AFG2A: variants seen among roughly 807,000 people sequenced by gnomAD.
AFG2A encodes ATPase family gene 2 protein homolog A.
chr4:123,051,486 T>C, the AFG2A span, among the ~76,000 whole-genome samples: 1 of 151,980 alleles, frequency 6.6e-6, no homozygotes, highest in African/African-American at 2.4e-5. Context: ...TTTTTAATTG[T>C]TTTGTATTTT....
chr4:123,278,605 C>T, the AFG2A span, among the ~76,000 whole-genome samples: 1 of 152,090 alleles, frequency 6.6e-6, no homozygotes, highest in Non-Finnish European at 1.5e-5. Context: ...TATGAACTTC[C>T]CTCTCAACAC....
the AFG2A span, among the ~76,000 whole-genome samples, chr4:123,046,428 T>C: frequency 7.7e-4 from 118 of 152,362 alleles, 1 homozygote; most frequent in East Asian, 0.015. Flanking sequence ...TTAGTACTTA[T>C]GATTGCAATT....
chr4:123,100,762 G>A, the AFG2A span, among the ~76,000 whole-genome samples: 1 of 151,910 alleles, frequency 6.6e-6, no homozygotes, highest in African/African-American at 2.4e-5. Context: ...CTAAATAATA[G>A]TTTTCACGCC....
At chr4:122,928,498 C>A in the AFG2A span, among the ~76,000 whole-genome samples, 3 of 152,088 alleles carry the variant, frequency 2.0e-5, no homozygotes, top group African/African-American at 7.2e-5. Flanking sequence ...CTGGCTTATG[C>A]TTTAAAGGTC....
At chr4:122,990,145 T>C in the AFG2A span, among the ~76,000 whole-genome samples, 1 of 152,222 alleles carries the variant, frequency 6.6e-6, no homozygotes, top group Non-Finnish European at 1.5e-5. Context: ...GGATTACAGA[T>C]GTGAGCTACT....
At chr4:123,149,255 A>G in the AFG2A span, among the ~76,000 whole-genome samples, 21 of 152,324 alleles carry the variant, frequency 1.4e-4, 1 homozygote, top group South Asian at 3.9e-3. Context: ...ACACTTGACA[A>G]AATCCTGGGA....
At chr4:123,050,972 C>T in the AFG2A span, among the ~76,000 whole-genome samples, 1 of 152,000 alleles carries the variant, frequency 6.6e-6, no homozygotes, top group Non-Finnish European at 1.5e-5. Context: ...AACTCCTGAC[C>T]TAGCGATCCA....
the AFG2A span, among the ~76,000 whole-genome samples, chr4:123,003,616 C>T: frequency 5.3e-5 from 8 of 152,080 alleles, no homozygotes; most frequent in African/African-American, 1.2e-4. Context: ...TCTGCAGAAC[C>T]GTGCATTTTC....
the AFG2A span, among the ~76,000 whole-genome samples, chr4:123,114,325 C>G: frequency 1.3e-5 from 2 of 152,162 alleles, no homozygotes; most frequent in Non-Finnish European, 2.9e-5. Context: ...TCACCAGGGA[C>G]CTGCCCTGCC....
At chr4:123,052,034 C>A in the AFG2A span, among the ~76,000 whole-genome samples, 2 of 152,016 alleles carry the variant, frequency 1.3e-5, no homozygotes, top group Admixed American at 6.6e-5. Flanking sequence ...AAGCTTTCTA[C>A]CCCTTTGTCT....
At chr4:122,942,263 T>C in the AFG2A span, among the ~76,000 whole-genome samples, 3 of 146,280 alleles carry the variant, frequency 2.1e-5, no homozygotes, top group South Asian at 6.9e-4. Flanking sequence ...CATGTGGTCC[T>C]GGACTCTTTT....
the AFG2A span, among the ~76,000 whole-genome samples, chr4:122,974,051 A>G: frequency 6.6e-6 from 1 of 151,900 alleles, no homozygotes; most frequent in African/African-American, 2.4e-5. Flanking sequence ...GTGAGTTACT[A>G]TTTTCTTTCT....
At chr4:123,192,913 T>C in the AFG2A span, among the ~76,000 whole-genome samples, 11 of 152,242 alleles carry the variant, frequency 7.2e-5, no homozygotes, top group Non-Finnish European at 1.6e-4. Context: ...TTAAACAAAT[T>C]ATAAAAGAAA....
chr4:123,240,516 C>G, the AFG2A span, among the ~76,000 whole-genome samples: 1 of 152,170 alleles, frequency 6.6e-6, no homozygotes. Flanking sequence ...AACAGAACAG[C>G]CTGCCCCTGA....
At chr4:122,948,387 T>TACACACACACACACAC in the AFG2A span, among the ~76,000 whole-genome samples, 18 of 129,618 alleles carry the variant, frequency 1.4e-4, no homozygotes, top group South Asian at 2.8e-4. Flanking sequence ...CTCCAGAGTA[T>TACACACACACACACAC]ACACACACAC....
the AFG2A span, among the ~76,000 whole-genome samples, chr4:123,110,349 T>C: frequency 6.6e-6 from 1 of 152,156 alleles, no homozygotes; most frequent in Non-Finnish European, 1.5e-5. Flanking sequence ...TGAGTTGATA[T>C]TTCACATTCA....
the AFG2A span, among the ~76,000 whole-genome samples, chr4:123,179,226 A>G: frequency 1.3e-5 from 2 of 152,198 alleles, no homozygotes; most frequent in Non-Finnish European, 2.9e-5. Context: ...GAGGAGTAGG[A>G]TGGGAGCAGA....
At chr4:123,102,706 T>C in the AFG2A span, among the ~76,000 whole-genome samples, 1 of 151,888 alleles carries the variant, frequency 6.6e-6, no homozygotes, top group African/African-American at 2.4e-5. Context: ...TTGAATGTTT[T>C]AAAGTCACTA....
At chr4:123,068,226 G>A in the AFG2A span, among the ~76,000 whole-genome samples, 9 of 152,168 alleles carry the variant, frequency 5.9e-5, no homozygotes, top group African/African-American at 2.2e-4. Flanking sequence ...CAGTTTTATG[G>A]TTTTTGTTTC....
Sources: gnomAD v4.1 joint callset for allele counts (sites outside exome capture counted in the v4.1 genomes callset) on GRCh38, gnomAD v4.1.1 for gene constraint, MANE v1.5 for transcripts, NCBI Gene and HGNC (gene_info 2026-07-23, HGNC 2026-07-21) for gene names.